SNRPC: variants seen among roughly 807,000 people sequenced by gnomAD.
SNRPC encodes small nuclear ribonucleoprotein polypeptide C.
SNRPC carries 5 observed loss-of-function variants against 20.0 expected under a neutral mutation model. The observed-to-expected ratio is 0.25, with a 90% confidence interval of 0.13 to 0.53. The LOEUF (loss-of-function observed/expected upper bound fraction) is 0.53. SNRPC is among the 20% of genes least tolerant of loss of function. SNRPC has a pLI of 0.96. For synonymous variants in SNRPC, 61 were observed against 58.7 expected (o/e 1.04, Z -0.18); for missense variants, 112 against 224.1 (o/e 0.50, Z 3.19).
chr6:34,758,320 C>T (rs1764480514), intron 2 of SNRPC, among the ~76,000 whole-genome samples: 1 of 147,604 alleles, frequency 6.8e-6, no homozygotes, highest in Middle Eastern at 3.5e-3. Context: ...TTTGTTAGTA[C>T]TTTTTTTTTT....
At chr6:34,761,846 T>C (rs1764541685) in intron 2 of SNRPC, among the ~76,000 whole-genome samples, 1 of 152,000 alleles carries the variant, frequency 6.6e-6, no homozygotes, top group South Asian at 2.1e-4. Context: ...AGGATTTTGC[T>C]TTGTCACCCA....
intron 3 of SNRPC, among the ~76,000 whole-genome samples, chr6:34,763,319 C>T (rs575850958): frequency 1.5e-4 from 23 of 152,204 alleles, no homozygotes; most frequent in East Asian, 3.9e-4. Flanking sequence ...ATTTGAATCA[C>T]GGCCTTTCTT....
At chr6:34,760,736 C>A (rs1764525075) in intron 2 of SNRPC, among the ~76,000 whole-genome samples, 1 of 151,898 alleles carries the variant, frequency 6.6e-6, no homozygotes. Flanking sequence ...TTTTACAGAT[C>A]CCTGCAGTGG....
chr6:34,772,390 A>G (rs1029716771), intron 5 of SNRPC, among the ~76,000 whole-genome samples: 2 of 152,202 alleles, frequency 1.3e-5, no homozygotes, highest in Admixed American at 1.3e-4. Context: ...ATTTCCTCTA[A>G]GAAATTCTTC....
intron 4 of SNRPC, among the ~76,000 whole-genome samples, chr6:34,769,278 G>A (rs1764656785): frequency 7.1e-6 from 1 of 140,840 alleles, no homozygotes; most frequent in South Asian, 2.2e-4. Context: ...TGCCCAGGCT[G>A]GAGTGCAGTG....
chr6:34,767,995 T>A lies in SNRPC; in HGVS notation c.248T>A (p.Leu83His), dbSNP rs779859474. Residue 83 changes from leucine to histidine, a missense_variant and splice_region_variant, in exon 4 of 6, where the codon CTT becomes CAT. By Grantham distance (99) the Leu-to-His change is moderately conservative. Around this residue, in one of 3 missense-constraint regions of SNRPC, gnomAD observed 45 missense variants for 48.6 expected, o/e 0.93. Coordinates refer to ENST00000244520, the MANE Select transcript of SNRPC (RefSeq NM_003093.3). ...GCGATGATACCACCTCCCCCCAGCCTTCGTAAGTTTAAACTTTTAATCTTA... is the reference window on the plus strand; with the variant it reads ...GCGATGATACCACCTCCCCCCAGCCATCGTAAGTTTAAACTTTTAATCTTA... ...AGAMIPPPPS[L>H]PGPPRPGMMP... The A allele has an allele frequency of 3.1e-6, 5 of 1,611,086 alleles. No individual in the cohort carries two copies. The highest frequency in any genetic ancestry group is 4.2e-6 in the Non-Finnish European group (5 of 1,178,980).
intron 3 of SNRPC, among the ~76,000 whole-genome samples, chr6:34,766,594 AC>A (rs1436823055): frequency 2.0e-5 from 3 of 152,166 alleles, no homozygotes; most frequent in Non-Finnish European, 4.4e-5. Context: ...TCAGGGACAC[AC>A]CTATGAAATC....
At position 34,773,415 on chromosome 6, in the gene SNRPC, T is replaced by C. The variant is rs754189105; in HGVS notation, c.356-31T>C. On this transcript the variant is annotated intron_variant, in intron 5 of 5. Transcript: ENST00000244520. This position sits in a 1 kb window ranked among gnomAD's most constrained non-coding sequence, Gnocchi z 4.1. ...CCTAAATCGTATTTTCTGACTCCCT[T>C]TTTCTCCCTCTTCTTTGTTTTGTCC... The C allele has an allele frequency of 1.9e-6, 3 of 1,606,378 alleles. No individual in the cohort carries two copies. The highest frequency in any genetic ancestry group is 2.6e-6 in the Non-Finnish European group (3 of 1,174,822).
chr6:34,758,308 GTTTTGTTAGTACTT>G (rs1764480411), intron 2 of SNRPC, among the ~76,000 whole-genome samples: 2 of 152,052 alleles, frequency 1.3e-5, no homozygotes, highest in South Asian at 4.1e-4. Context: ...AAAGCAGAAT[GTTTTGTTAGTACTT>G]TTTTTTTTTT....
intron 2 of SNRPC, among the ~76,000 whole-genome samples, chr6:34,761,864 G>A (rs1764541823): frequency 6.6e-6 from 1 of 152,040 alleles, no homozygotes; most frequent in East Asian, 1.9e-4. Flanking sequence ...CCAGGCTGGA[G>A]TGTAGTGGAG....
At chr6:34,763,525 A>G (rs1764565523) in intron 3 of SNRPC, among the ~76,000 whole-genome samples, 1 of 151,638 alleles carries the variant, frequency 6.6e-6, no homozygotes, top group Non-Finnish European at 1.5e-5. Flanking sequence ...TACTAAAAAT[A>G]TAAAAATTAG....
intron 4 of SNRPC, among the ~76,000 whole-genome samples, chr6:34,768,628 T>G (rs1351167465): frequency 2.6e-5 from 4 of 151,874 alleles, no homozygotes; most frequent in Non-Finnish European, 5.9e-5. Flanking sequence ...GGTGCACGTC[T>G]GTAGTCCCAG....
At chr6:34,758,999 G>A (rs1346409937) in intron 2 of SNRPC, among the ~76,000 whole-genome samples, 17 of 119,916 alleles carry the variant, frequency 1.4e-4, no homozygotes, top group South Asian at 2.7e-4. Context: ...CAGCCTGGGC[G>A]ACAGAGCGAG....
intron 3 of SNRPC, among the ~76,000 whole-genome samples, chr6:34,767,115 T>G (rs1581592050): frequency 1.3e-5 from 2 of 152,248 alleles, no homozygotes; most frequent in South Asian, 4.1e-4. Context: ...TTGTATGTTT[T>G]AAATATCCTA....
rs541434438 is a variant in SNRPC, at chr6:34,759,055, A to G, written c.51+1101A>G. On this transcript the variant is annotated intron_variant, in intron 2 of 5. Coordinates refer to ENST00000244520, the MANE Select transcript of SNRPC (RefSeq NM_003093.3). ...AAAAAAAAAAAAAAAAGAAAAGAAA[A>G]CCCACGTTAATTAATGTCACAATCT... Among the ~76,000 whole-genome samples, 6 of 151,696 alleles carry G rather than the reference A, an allele frequency of 4.0e-5. No homozygotes were observed. In the South Asian group the frequency reaches 1.2e-3, roughly 32 times the overall value.
chr6:34,772,068 T>C (rs910136761), intron 5 of SNRPC, among the ~76,000 whole-genome samples: 12 of 152,292 alleles, frequency 7.9e-5, no homozygotes, highest in Admixed American at 4.6e-4. Flanking sequence ...AATGATAAGA[T>C]TGTGGGATTT....
chr6:34,761,653 TA>T (rs919026960), intron 2 of SNRPC, among the ~76,000 whole-genome samples: 3 of 151,024 alleles, frequency 2.0e-5, no homozygotes, highest in Admixed American at 6.7e-5. Context: ...CCTGAGTAGC[TA>T]GGACTACAGG....
intron 5 of SNRPC, among the ~76,000 whole-genome samples, chr6:34,771,160 C>G (rs1764685403): frequency 6.6e-6 from 1 of 151,920 alleles, no homozygotes; most frequent in Non-Finnish European, 1.5e-5. Context: ...AACCCCATCT[C>G]TACTTAAAAA....
intron 3 of SNRPC, among the ~76,000 whole-genome samples, chr6:34,762,927 G>C (rs1229564736): frequency 6.6e-6 from 1 of 152,198 alleles, no homozygotes; most frequent in Non-Finnish European, 1.5e-5. Flanking sequence ...AGGTTAGATG[G>C]GGAAGTGAGG....
Sources: allele counts gnomAD v4.1 joint callset (sites outside exome capture counted in the v4.1 genomes callset), GRCh38; gene constraint gnomAD v4.1.1; regional missense constraint gnomAD v4.1.1; non-coding constraint Gnocchi (gnomAD v3.1); transcripts MANE v1.5; gene names NCBI Gene and HGNC (gene_info 2026-07-23, HGNC 2026-07-21).